ACACA: variants seen among roughly 807,000 people sequenced by gnomAD.
ACACA encodes the protein acetyl-CoA carboxylase alpha.
ACACA carries 103 observed loss-of-function variants against 296.1 expected under a neutral mutation model. The ratio of observed to expected loss-of-function variants is 0.35; its 90% confidence interval spans 0.30 to 0.41. ACACA has a LOEUF of 0.41. Among genes scored for constraint, ACACA ranks in the 10% least tolerant of loss-of-function variants. The pLI, the probability that ACACA is intolerant of heterozygous loss-of-function variation, is 1.00. For synonymous variants in ACACA, 953 were observed against 1,038.6 expected, an observed-to-expected ratio of 0.92 and a Z score of 1.58; for missense variants, 1,554 against 2,989.7, an observed-to-expected ratio of 0.52 and a Z score of 11.20.
rs752890903 is a variant in ACACA at position 37,252,356 on chromosome 17, A to T, written c.1978-248T>A. 9.2e-5 allele frequency among the ~76,000 whole-genome samples: 14 copies of T among 152,376 alleles called. 1 individual carries two copies. In the South Asian group the frequency reaches 1.7e-3, roughly 18 times the overall value. ...CCCTAAGACTTCCACTTAGCCAATC[A>T]TTGAATAGCTCAAAAATAGGCTTCT... is the stretch of plus-strand genomic sequence containing the variant. On this transcript the variant is annotated intron_variant, in intron 15 of 55. Coordinates refer to ENST00000616317, the MANE Select transcript of ACACA (RefSeq NM_198834.3).
intron 18 of ACACA, among the ~76,000 whole-genome samples, chr17:37,247,390 G>A (rs906019095): frequency 2.6e-5 from 2 of 77,224 alleles, no homozygotes; most frequent in African/African-American, 1.4e-4. Context: ...TTTTTGATAC[G>A]GAGTTTTGCT....
At chr17:37,151,241 A>G in intron 44 of ACACA, 60 bp downstream of exon 44, 3 of 1,608,402 alleles carry the variant, frequency 1.9e-6, no homozygotes, top group Non-Finnish European at 2.5e-6. Context: ...GATAAGAGAA[A>G]AAAATAAACC....
At chr17:37,231,014 GATGGTAGCTAACT>G (rs2079833197) in intron 25 of ACACA, among the ~76,000 whole-genome samples, 1 of 152,192 alleles carries the variant, frequency 6.6e-6, no homozygotes, top group South Asian at 2.1e-4. Flanking sequence ...TTTTGACCTA[GATGGTAGCTAACT>G]ATAGGAAATA....
At chr17:37,250,709 G>A (rs2080945608) in intron 16 of ACACA, among the ~76,000 whole-genome samples, 1 of 152,008 alleles carries the variant, frequency 6.6e-6, no homozygotes, top group South Asian at 2.1e-4. Flanking sequence ...CCTAGCAACT[G>A]AAACTTTATT....
At position 37,371,356 on chromosome 17, in the gene ACACA, G is replaced by T. The variant is rs539351426; in HGVS notation, c.39-31506C>A. Reference sequence around the variant, plus strand: ...AGCCTCCCAAAGTGCTGGGATACACGCATGAGCCACGACGCCCGGCTGATA... The same window carrying T: ...AGCCTCCCAAAGTGCTGGGATACACTCATGAGCCACGACGCCCGGCTGATA... On this transcript the variant is annotated intron_variant, in intron 1 of 55. Transcript: ENST00000616317. 2.2e-3 allele frequency among the ~76,000 whole-genome samples: 338 copies of T among 151,990 alleles called. 1 individual carries two copies. Among genetic ancestry groups the T allele is most frequent in the Non-Finnish European group, 3.7e-3 (253 of 67,996 alleles).
chr17:37,331,085 T>C (rs1157011540), intron 2 of ACACA, among the ~76,000 whole-genome samples: 1 of 149,900 alleles, frequency 6.7e-6, no homozygotes, highest in Non-Finnish European at 1.5e-5. Context: ...TAATTCTATT[T>C]TTATTTTTCA....
At chr17:37,153,499 G>T (rs1454950133) in intron 43 of ACACA, among the ~76,000 whole-genome samples, 1 of 152,176 alleles carries the variant, frequency 6.6e-6, no homozygotes, top group African/African-American at 2.4e-5. Context: ...GTCTTTGCAA[G>T]CTAGATTTTT....
chr17:37,153,980 A>G (rs2076143755), intron 43 of ACACA, among the ~76,000 whole-genome samples: 1 of 152,188 alleles, frequency 6.6e-6, no homozygotes, highest in Non-Finnish European at 1.5e-5. Flanking sequence ...ATCTGAATCA[A>G]AATCATTATG....
At chr17:37,159,410 T>G (rs887525966) in intron 42 of ACACA, among the ~76,000 whole-genome samples, 108 of 152,030 alleles carry the variant, frequency 7.1e-4, no homozygotes, top group African/African-American at 2.5e-3. Context: ...TTAGTAGAGA[T>G]GGTATTTCGC....
chr17:37,386,057 A>T lies in ACACA; in HGVS notation c.38+20205T>A, dbSNP rs761123799. The T allele has an allele frequency of 6.2e-7, 1 of 1,606,584 alleles. No homozygotes were observed. Among genetic ancestry groups the T allele is most frequent in the Non-Finnish European group, 8.5e-7 (1 of 1,174,496 alleles). ...TGTAAAGTCCTGGGGGCTTCATCAG[A>T]GACTTTTCCCACCACTGCCCCTTCT... On this transcript the variant is annotated intron_variant, in intron 1 of 55. Coordinates refer to ENST00000616317, the MANE Select transcript of ACACA (RefSeq NM_198834.3).
chr17:37,147,388 A>G (rs1438335833), intron 45 of ACACA, among the ~76,000 whole-genome samples: 2 of 152,162 alleles, frequency 1.3e-5, no homozygotes, highest in South Asian at 2.1e-4. Flanking sequence ...AGAAAGAGAC[A>G]TGCACTCAGG....
chr17:37,101,251 A>G (rs756963146), intron 52 of ACACA, among the ~76,000 whole-genome samples: 11 of 152,234 alleles, frequency 7.2e-5, no homozygotes, highest in Non-Finnish European at 1.5e-4. Flanking sequence ...TTGAGAAAAA[A>G]GCATTGTATT....
chr17:37,119,898 T>TC (rs1380481440), intron 50 of ACACA, among the ~76,000 whole-genome samples: 1 of 148,844 alleles, frequency 6.7e-6, no homozygotes, highest in East Asian at 1.9e-4. Flanking sequence ...TTTCTTTCTT[T>TC]TTTTTTTTTT....
intron 1 of ACACA, chr17:37,377,981 T>G: frequency 1.2e-6 from 2 of 1,610,056 alleles, no homozygotes; most frequent in Non-Finnish European, 1.7e-6. Context: ...GAATGGGTCC[T>G]TTCTGGAAAA....
chr17:37,110,464 CTG>C (rs1311082020), intron 52 of ACACA, among the ~76,000 whole-genome samples: 2 of 152,196 alleles, frequency 1.3e-5, no homozygotes. Context: ...AAGGATCAGA[CTG>C]TGGTGAGTTA....
At position 37,161,983 on chromosome 17, in the gene ACACA, A is replaced by G; in HGVS notation, c.5147T>C (p.Val1716Ala). 1.2e-6 allele frequency: 2 copies of G among 1,614,140 alleles called. No homozygotes were observed. Among genetic ancestry groups the G allele is most frequent in the Non-Finnish European group, 1.7e-6 (2 of 1,179,942 alleles). ...PEYPEGRDII[V>A]IGNDITYRIG... ...TCGGTATGTGATGTCATTGCCAATA[A>G]CAATGATATCTCGGCCTTCTGGATA... The change falls in exon 42 of 56, where the codon GTT becomes GCT. Residue 1716 changes from valine to alanine, a missense_variant. Val to Ala is a moderately conservative substitution (Grantham distance 64, BLOSUM62 0). Transcript: ENST00000616317.
rs543590829 is a variant in ACACA at position 37,185,962 on chromosome 17, A to G, written c.4776+2315T>C. Among the ~76,000 whole-genome samples, 21 of 152,336 alleles carry G rather than the reference A, an allele frequency of 1.4e-4. 1 individual carries two copies. The East Asian group carries it at 4.0e-3, about 29-fold the overall frequency. ...CTCTTCTCCCCATTATGACTGCCTG[A>G]CATCAGTGTTCATTACAGCCTATAC... On this transcript the variant is annotated intron_variant, in intron 39 of 55. Transcript: ENST00000616317.
intron 38 of ACACA, among the ~76,000 whole-genome samples, chr17:37,189,116 T>C (rs959654056): frequency 1.3e-5 from 2 of 152,244 alleles, no homozygotes; most frequent in Non-Finnish European, 2.9e-5. Flanking sequence ...CACATTTCTC[T>C]AAGTTTATAC....
chr17:37,400,148 C>T (rs1212909966), intron 1 of ACACA, among the ~76,000 whole-genome samples: 1 of 152,066 alleles, frequency 6.6e-6, no homozygotes, highest in Non-Finnish European at 1.5e-5. Flanking sequence ...GAGACAGGGT[C>T]TTGCTCTGTT....
Sources: gnomAD v4.1 joint callset for allele counts (sites outside exome capture counted in the v4.1 genomes callset) on GRCh38, gnomAD v4.1.1 for gene constraint, MANE v1.5 for transcripts, NCBI Gene and HGNC (gene_info 2026-07-23, HGNC 2026-07-21) for gene names.